CEP41: variants seen among roughly 807,000 people sequenced by gnomAD.
CEP41 encodes the protein centrosomal protein of 41 kDa.
In CEP41, 32 loss-of-function variants were observed where a neutral mutation model predicts 44.3. The ratio of observed to expected loss-of-function variants is 0.72; its 90% CI spans 0.54 to 0.97. The LOEUF (loss-of-function observed/expected upper bound fraction) is 0.97, where lower values mean the gene tolerates loss of function less well. Ranked by LOEUF, CEP41 falls within the 50% of genes least tolerant of loss-of-function variation. The pLI, the probability that CEP41 is intolerant of heterozygous loss-of-function variation, is 0.00. For missense variants in CEP41, 432 were observed against 455.2 expected (o/e 0.95, Z 0.46); for synonymous variants, 151 against 168.5 (o/e 0.90, Z 0.80).
chr7:130,423,933 A>G (rs1554422811), intron 2 of CEP41, among the ~76,000 whole-genome samples: 1 of 152,260 alleles, frequency 6.6e-6, no homozygotes, highest in Non-Finnish European at 1.5e-5. Flanking sequence ...TAGAGAAAGT[A>G]GATTAGTGGT....
At chr7:130,429,775 G>C (rs1797771416) in intron 1 of CEP41, among the ~76,000 whole-genome samples, 1 of 152,198 alleles carries the variant, frequency 6.6e-6, no homozygotes, top group Non-Finnish European at 1.5e-5. Context: ...CTGGCTCCCA[G>C]AGTACTCACA....
At chr7:130,439,339 T>C (rs1317105277) in intron 1 of CEP41, among the ~76,000 whole-genome samples, 4 of 114,648 alleles carry the variant, frequency 3.5e-5, no homozygotes, top group Non-Finnish European at 7.0e-5. Context: ...AGTAGGCTAT[T>C]AGTAGTTAAG....
Position 130,401,966 on chromosome 7 carries a change from A to G in CEP41, c.575-18T>C. 1 of 1,564,428 alleles carries G rather than the reference A, an allele frequency of 6.4e-7. No homozygotes were observed. Among genetic ancestry groups the G allele is most frequent in the Non-Finnish European group, 8.8e-7 (1 of 1,134,712 alleles). On this transcript the variant is annotated intron_variant, in intron 7 of 10. Coordinates refer to ENST00000223208, the MANE Select transcript of CEP41 (RefSeq NM_018718.3). ...ACTGTAAGCTGCAAAGAGAAGAAAA[A>G]GTTTAGGAAGTCTGTTGTTCTCTTA...
chr7:130,440,782 G>GC, intron 1 of CEP41, 152 bp downstream of exon 1: 118 of 531,074 alleles, frequency 2.2e-4, no homozygotes, highest in South Asian at 7.0e-4. Context: ...CCCAAGCCCG[G>GC]CCCGCCCCGC....
rs1797526140 is a variant in CEP41, at chr7:130,422,076, G to GT, written c.98-5111dup. 4 of 1,521,684 alleles carry GT rather than the reference G, an allele frequency of 2.6e-6. No individual in the cohort carries two copies. The African/African-American group carries it at 4.1e-5, about 16-fold the overall frequency. 94.3% of individuals were successfully genotyped at this position (1,521,684 alleles called of 1,614,324 possible). ...ATTTCTAGCCATGGCTGCACTCAGT[G>GT]TTTGAGTTCATATGAGAAGCAGAGC... is the stretch of plus-strand genomic sequence containing the variant. On this transcript the variant is annotated intron_variant, in intron 2 of 10. Transcript: ENST00000223208.
upstream of CEP41, chr7:130,441,184 GC>G (rs1554427827): frequency 1.4e-6 from 1 of 691,212 alleles, no homozygotes; most frequent in Admixed American, 2.0e-5. Flanking sequence ...AACGCGGGAC[GC>G]CGGCTAGCGA....
intron 1 of CEP41, among the ~76,000 whole-genome samples, chr7:130,433,388 G>A (rs1006331262): frequency 3.3e-5 from 5 of 151,896 alleles, no homozygotes; most frequent in African/African-American, 1.2e-4. Context: ...CAAGATAAGA[G>A]AGGTTGAAAA....
intron 5 of CEP41, among the ~76,000 whole-genome samples, chr7:130,408,948 T>C (rs549596129): frequency 3.7e-4 from 57 of 152,184 alleles, no homozygotes; most frequent in Non-Finnish European, 6.9e-4. Context: ...AAAGCGATAA[T>C]TGAAAACAGC....
At chr7:130,400,905 G>T in intron 8 of CEP41, 84 bp from the exon 9 acceptor site, 1 of 889,012 alleles carries the variant, frequency 1.1e-6, no homozygotes, top group Non-Finnish European at 1.8e-6. Context: ...AAAAGGTCAG[G>T]TCCACCTGTC....
chr7:130,400,452 T>C (rs1796808199), intron 9 of CEP41, 198 bp from the exon 10 acceptor site: 2 of 645,930 alleles, frequency 3.1e-6, no homozygotes, highest in Non-Finnish European at 5.5e-6. Flanking sequence ...TTCTGAGAAT[T>C]CCACAAGAAA....
chr7:130,420,874 A>C, intron 2 of CEP41: 1 of 920,418 alleles, frequency 1.1e-6, no homozygotes, highest in Non-Finnish European at 1.3e-6. Flanking sequence ...GTTATTTTAT[A>C]ATGCAAATAC....
In CEP41 at chr7:130,394,074, A is replaced by C. The variant is rs1554413478; in HGVS notation, c.*4817T>G. 8.8e-6 allele frequency: 4 copies of C among 454,096 alleles called. No individual in the cohort carries two copies. The highest frequency in any genetic ancestry group is 1.8e-5 in the Non-Finnish European group (4 of 226,788). The allele number at this position is 454,096 out of a possible 1,614,324, so 28.1% of individuals were successfully genotyped here. A position where few individuals can be genotyped will look rare whatever the true frequency, so the allele number is the denominator to read the frequency against. ...AAAGTTTTCAAAAGAATCTCGGCTG[A>C]CTAGGAGGGAAGGGAAGCCAATAGC... On this transcript the variant is annotated 3_prime_UTR_variant, in exon 11 of 11. Coordinates refer to ENST00000223208, the MANE Select transcript of CEP41 (RefSeq NM_018718.3).
chr7:130,426,275 T>C (rs1467304324), intron 2 of CEP41, among the ~76,000 whole-genome samples: 1 of 152,248 alleles, frequency 6.6e-6, no homozygotes, highest in Non-Finnish European at 1.5e-5. Context: ...AGGACATATG[T>C]ATTTAATATG....
At position 130,395,424 on chromosome 7, in the gene CEP41, T is replaced by A. The variant is rs1459458936; in HGVS notation, c.*3467A>T. 5 of 453,940 alleles carry A rather than the reference T, an allele frequency of 1.1e-5. No homozygotes were observed. The highest frequency in any genetic ancestry group is 2.2e-5 in the Non-Finnish European group (5 of 226,782). The allele number at this position is 453,940 out of a possible 1,614,324, so 28.1% of individuals were successfully genotyped here. A position where few individuals can be genotyped will look rare whatever the true frequency, so the allele number is the denominator to read the frequency against. ...GAATTGGGAAGAAAATAAACACACA[T>A]TAAAGACACTGAGAACGTTTTAGAA... On this transcript the variant is annotated 3_prime_UTR_variant, in exon 11 of 11. Coordinates refer to ENST00000223208, the MANE Select transcript of CEP41 (RefSeq NM_018718.3).
chr7:130,441,225 C>G (rs941805185), upstream of CEP41: 9 of 430,934 alleles, frequency 2.1e-5, no homozygotes, highest in East Asian at 1.4e-4. Context: ...TGGGGCTCGC[C>G]GGCTCCAGCC....
At chr7:130,427,805 C>A (rs554672309) in intron 2 of CEP41, 150 bp downstream of exon 2, 2 of 594,302 alleles carry the variant, frequency 3.4e-6, no homozygotes, top group East Asian at 2.8e-5. Context: ...TGAAAAACAT[C>A]TTTCAAGGAT....
upstream of CEP41, chr7:130,441,264 G>T (rs1798158101): frequency 7.7e-6 from 4 of 517,898 alleles, no homozygotes; most frequent in South Asian, 8.0e-5. Flanking sequence ...CGCGGGGGGA[G>T]GGGAAGGCTG....
At chr7:130,420,029 T>C in intron 2 of CEP41, 3 of 985,302 alleles carry the variant, frequency 3.0e-6, no homozygotes, top group Non-Finnish European at 3.6e-6. Context: ...CAAAAATACT[T>C]GCTGAATGAT....
chr7:130,421,848 G>T lies in CEP41; in HGVS notation c.98-4882C>A, dbSNP rs1440807510. ...TTGGAAAGTGTCCCTTAATCAGCCT[G>T]CAGTGCTGCAAAACAGAAACCCAGA... On this transcript the variant is annotated intron_variant, in intron 2 of 10. Transcript: ENST00000223208. 4 of 1,452,670 alleles carry T rather than the reference G, an allele frequency of 2.8e-6. No homozygotes were observed. In the African/African-American group the frequency reaches 5.7e-5, roughly 21 times the overall value. The allele number at this position is 1,452,670 out of a possible 1,614,324, so 90.0% of individuals were successfully genotyped here. A position where few individuals can be genotyped will look rare whatever the true frequency, so the allele number is the denominator to read the frequency against.
Sources: gnomAD v4.1 joint callset for allele counts (sites outside exome capture counted in the v4.1 genomes callset) on GRCh38, gnomAD v4.1.1 for gene constraint, MANE v1.5 for transcripts, NCBI Gene and HGNC (gene_info 2026-07-23, HGNC 2026-07-21) for gene names.